Variants in GAS7 observed in about 807,000 individuals in gnomAD.
GAS7 encodes growth arrest specific 7, also known as growth arrest-specific protein 7.
In GAS7, 28 loss-of-function variants were observed where a neutral mutation model predicts 71.1. The observed-to-expected ratio is 0.39, with a 90% CI of 0.29 to 0.54. GAS7 has a LOEUF of 0.54. Ranked by LOEUF, GAS7 falls within the 20% of genes least tolerant of loss-of-function variation. GAS7 has a pLI of 0.62. For synonymous variants in GAS7, 258 were observed against 245.8 expected (o/e 1.05, Z -0.46); for missense variants, 436 against 627.8 (o/e 0.69, Z 3.27).
chr17:9,950,239 G>A (rs1430654571), intron 5 of GAS7, among the ~76,000 whole-genome samples: 6 of 152,112 alleles, frequency 3.9e-5, no homozygotes, highest in African/African-American at 1.4e-4. Flanking sequence ...AGGGCATGGT[G>A]GCTCACATCT....
chr17:9,994,000 A>G (rs1471611258), intron 2 of GAS7, among the ~76,000 whole-genome samples: 10 of 149,068 alleles, frequency 6.7e-5, no homozygotes, highest in Admixed American at 2.7e-4. Flanking sequence ...TTCAAGGAGA[A>G]CTACAAACCA....
chr17:9,964,110 G>A (rs1299131035), intron 4 of GAS7, among the ~76,000 whole-genome samples: 1 of 152,034 alleles, frequency 6.6e-6, no homozygotes, highest in Non-Finnish European at 1.5e-5. Flanking sequence ...TCCTTTGCCT[G>A]TGATTCCAGA....
In GAS7 at chr17:10,005,297, A is replaced by G. The variant is rs143709797; in HGVS notation, c.304+14480T>C. ...TATATGTATATACATGCATACATGT[A>G]TATACACATATATACACACACATAT... On this transcript the variant is annotated intron_variant, in intron 2 of 13. Transcript: ENST00000432992. Among the ~76,000 whole-genome samples the G allele has an allele frequency of 3.3e-3, 496 of 150,810 alleles. 7 individuals carry two copies. The highest frequency in any genetic ancestry group is 0.012 in the African/African-American group (471 of 40,452).
chr17:10,038,250 TG>T (rs1487009530), intron 1 of GAS7, among the ~76,000 whole-genome samples: 3 of 152,070 alleles, frequency 2.0e-5, no homozygotes, highest in Non-Finnish European at 2.9e-5. Flanking sequence ...CCCAGCTACT[TG>T]GGAGGCTGAG....
At chr17:10,133,122 A>ATATATATATATATATATATTTTT (rs1392845338) in intron 1 of GAS7, among the ~76,000 whole-genome samples, 1 of 118,888 alleles carries the variant, frequency 8.4e-6, no homozygotes, top group African/African-American at 3.0e-5. Context: ...ATATTTTTAT[A>ATATATATATATATATATATTTTT]TTTTTTTTTT....
At chr17:9,928,104 A>ATTTATTTC (rs1238402150) in intron 9 of GAS7, among the ~76,000 whole-genome samples, 1 of 150,330 alleles carries the variant, frequency 6.7e-6, no homozygotes, top group African/African-American at 2.5e-5. Flanking sequence ...ACATTTATTT[A>ATTTATTTC]TTTTTTATTT....
At chr17:9,942,860 G>A (rs1423862384) in intron 7 of GAS7, among the ~76,000 whole-genome samples, 8 of 151,018 alleles carry the variant, frequency 5.3e-5, no homozygotes, top group Middle Eastern at 3.4e-3. Context: ...CTCTTTCAAG[G>A]TGTGCTAAAT....
At chr17:10,081,413 C>A (rs1028578075) in intron 1 of GAS7, among the ~76,000 whole-genome samples, 2 of 152,202 alleles carry the variant, frequency 1.3e-5, no homozygotes, top group Non-Finnish European at 2.9e-5. Flanking sequence ...CTCGGCCTCC[C>A]AAAGTGCTGG....
chr17:9,985,107 T>C (rs2070592517), intron 2 of GAS7, among the ~76,000 whole-genome samples: 1 of 152,144 alleles, frequency 6.6e-6, no homozygotes, highest in African/African-American at 2.4e-5. Context: ...TCATATCTAA[T>C]TGGTTCCCAG....
chr17:9,962,607 T>C (rs1003316277), intron 4 of GAS7, among the ~76,000 whole-genome samples: 3 of 151,968 alleles, frequency 2.0e-5, no homozygotes, highest in Non-Finnish European at 2.9e-5. Flanking sequence ...AGAATGCCAA[T>C]AAAAAATGTA....
At chr17:9,961,876 C>T (rs1597556423) in intron 4 of GAS7, among the ~76,000 whole-genome samples, 1 of 152,194 alleles carries the variant, frequency 6.6e-6, no homozygotes, top group Non-Finnish European at 1.5e-5. Flanking sequence ...CATCTCTCCA[C>T]TTTGAGACCT....
chr17:9,954,812 T>C (rs911040540), intron 5 of GAS7, among the ~76,000 whole-genome samples: 4 of 152,224 alleles, frequency 2.6e-5, no homozygotes, highest in Middle Eastern at 3.4e-3. Context: ...TGAGAAACCC[T>C]GAGTTGACTG....
intron 2 of GAS7, among the ~76,000 whole-genome samples, chr17:10,003,579 C>T (rs184064506): frequency 2.0e-5 from 3 of 152,292 alleles, no homozygotes; most frequent in African/African-American, 4.8e-5. Flanking sequence ...TTCGACTGAC[C>T]TCACAGAAGC....
chr17:10,114,240 C>T (rs1362980768), intron 1 of GAS7, among the ~76,000 whole-genome samples: 3 of 152,154 alleles, frequency 2.0e-5, no homozygotes, highest in Non-Finnish European at 4.4e-5. Context: ...GTCAATGCTA[C>T]AGTCTCACTG....
In GAS7 at chr17:9,926,857, C is replaced by T. The variant is rs944398476; in HGVS notation, c.886-88G>A. 2.3e-4 allele frequency: 318 copies of T among 1,397,078 alleles called. 1 individual carries two copies. Among genetic ancestry groups the T allele is most frequent in the Middle Eastern group, 1.8e-3 (10 of 5,642 alleles). 86.5% of individuals were successfully genotyped at this position (1,397,078 alleles called of 1,614,324 possible). On this transcript the variant is annotated intron_variant, in intron 9 of 13. Coordinates refer to ENST00000432992, the MANE Select transcript of GAS7 (RefSeq NM_201433.2). This position sits in a 1 kb window ranked among gnomAD's most constrained non-coding sequence, Gnocchi z 5.0. Reference sequence around the variant, plus strand: ...AGGAGGGATGGGAGGGGCACCCCCACTTCCCCAGGCAAGTGAGGATGAGTC... The same window carrying T: ...AGGAGGGATGGGAGGGGCACCCCCATTTCCCCAGGCAAGTGAGGATGAGTC...
At chr17:10,015,802 C>T (rs2071972234) in intron 2 of GAS7, among the ~76,000 whole-genome samples, 1 of 152,136 alleles carries the variant, frequency 6.6e-6, no homozygotes, top group Admixed American at 6.5e-5. Flanking sequence ...TCCCCTAGCC[C>T]TTCCTTACCC....
At chr17:9,951,760 CAAAAAAAAAA>C (rs59048492) in intron 5 of GAS7, among the ~76,000 whole-genome samples, 4 of 69,012 alleles carry the variant, frequency 5.8e-5, no homozygotes, top group East Asian at 5.5e-4. Context: ...AACTCTGTCT[CAAAAAAAAAA>C]AAAAAAAAAA....
At chr17:10,054,438 A>T (rs1288910536) in intron 1 of GAS7, among the ~76,000 whole-genome samples, 1 of 152,178 alleles carries the variant, frequency 6.6e-6, no homozygotes, top group African/African-American at 2.4e-5. Context: ...GAGAAGCTGG[A>T]AATCTGGATT....
chr17:10,056,772 A>ATCTCCCTCTCCCTCTCTTTCCACGG (rs1228313904), intron 1 of GAS7, among the ~76,000 whole-genome samples: 3 of 150,454 alleles, frequency 2.0e-5, no homozygotes, highest in Non-Finnish European at 4.4e-5. Context: ...CCTCCCCACG[A>ATCTCCCTCTCCCTCTCTTTCCACGG]TCTCCCTCTC....
Sources: gnomAD v4.1 joint callset for allele counts (sites outside exome capture counted in the v4.1 genomes callset) on GRCh38, gnomAD v4.1.1 for gene constraint, Gnocchi (gnomAD v3.1) non-coding constraint, MANE v1.5 for transcripts, NCBI Gene and HGNC (gene_info 2026-07-23, HGNC 2026-07-21) for gene names.